RNF13: variants seen among roughly 807,000 people sequenced by gnomAD.
RNF13 encodes the protein ring finger protein 13.
Under a neutral mutation model 37.7 loss-of-function variants are expected in RNF13, and 19 were observed. The observed-to-expected ratio is 0.50, with a 90% CI of 0.35 to 0.74. The LOEUF (loss-of-function observed/expected upper bound fraction) is 0.74. RNF13 is among the 30% of genes least tolerant of loss of function. RNF13 has a pLI of 0.01. For synonymous variants in RNF13, 144 were observed against 157.8 expected (o/e 0.91, Z 0.65); for missense variants, 375 against 453.0 (o/e 0.83, Z 1.56).
intron 8 of RNF13, among the ~76,000 whole-genome samples, chr3:149,947,952 TTTTG>T (rs1019716797): frequency 7.2e-5 from 11 of 152,082 alleles, no homozygotes; most frequent in Non-Finnish European, 1.2e-4. Context: ...TATGTGTGCT[TTTTG>T]TTTGTTTGTT....
intron 8 of RNF13, among the ~76,000 whole-genome samples, chr3:149,938,009 A>C (rs1395301631): frequency 6.6e-6 from 1 of 151,982 alleles, no homozygotes; most frequent in East Asian, 1.9e-4. Flanking sequence ...GGATCTGTAC[A>C]TTTCAGATAG....
chr3:149,870,396 T>TA (rs1343717210), intron 3 of RNF13, among the ~76,000 whole-genome samples: 2 of 151,722 alleles, frequency 1.3e-5, no homozygotes, highest in African/African-American at 4.8e-5. Flanking sequence ...TCTCCTTATA[T>TA]TTGAGTTCTA....
At chr3:149,898,822 G>A (rs1381852055) in intron 5 of RNF13, among the ~76,000 whole-genome samples, 1 of 152,116 alleles carries the variant, frequency 6.6e-6, no homozygotes, top group African/African-American at 2.4e-5. Context: ...TCAGCATAAG[G>A]GGATATAGAA....
intron 6 of RNF13, among the ~76,000 whole-genome samples, chr3:149,910,970 A>G (rs1198935177): frequency 6.6e-6 from 1 of 152,230 alleles, no homozygotes; most frequent in Non-Finnish European, 1.5e-5. Flanking sequence ...AACATGGTTA[A>G]TGATAAATGA....
Position 149,947,880 on chromosome 3 carries a change from C to T in RNF13, c.701-12176C>T, listed in dbSNP as rs1387284996. 2.0e-5 allele frequency among the ~76,000 whole-genome samples: 3 copies of T among 151,906 alleles called. 1 individual carries two copies. Among genetic ancestry groups the T allele is most frequent in the Admixed American group, 2.0e-4 (3 of 15,246 alleles). ...CTATTCTGTTTGATATATGTATGGC[C>T]ACTCCTGCTCTCCAGTTTCTCATTT... On this transcript the variant is annotated intron_variant, in intron 8 of 9. Transcript: ENST00000392894.
At chr3:149,844,859 C>T (rs990468913) in intron 1 of RNF13, among the ~76,000 whole-genome samples, 4 of 152,002 alleles carry the variant, frequency 2.6e-5, no homozygotes, top group African/African-American at 9.7e-5. Flanking sequence ...GTTGTGCAAC[C>T]ATCACCAGAG....
chr3:149,866,347 C>T (rs938689239), intron 3 of RNF13, among the ~76,000 whole-genome samples: 1 of 152,204 alleles, frequency 6.6e-6, no homozygotes, highest in Non-Finnish European at 1.5e-5. Context: ...TTATGCCTCC[C>T]CTTTTTAGAC....
chr3:149,961,241 C>G lies in RNF13; in HGVS notation c.*137C>G, dbSNP rs1355439192. 2.6e-6 allele frequency: 2 copies of G among 774,038 alleles called. No individual in the cohort carries two copies. Among genetic ancestry groups the G allele is most frequent in the Non-Finnish European group, 4.1e-6 (2 of 482,112 alleles). The allele number at this position is 774,038 out of a possible 1,614,324, so 47.9% of individuals were successfully genotyped here. On this transcript the variant is annotated 3_prime_UTR_variant, in exon 10 of 10. Coordinates refer to ENST00000392894, the MANE Select transcript of RNF13 (RefSeq NM_183381.3). Reference sequence around the variant, plus strand: ...CTACAGTTTAATCAAATTACTGAAACAGGACTTTTGATCTGGTATTTATCT... The same window carrying G: ...CTACAGTTTAATCAAATTACTGAAAGAGGACTTTTGATCTGGTATTTATCT...
chr3:149,826,905 T>G (rs1720560567), intron 1 of RNF13, among the ~76,000 whole-genome samples: 1 of 152,132 alleles, frequency 6.6e-6, no homozygotes, highest in Non-Finnish European at 1.5e-5. Flanking sequence ...TACTTGTGCA[T>G]GCCACTATGC....
At chr3:149,949,160 G>A (rs1721062716) in intron 8 of RNF13, among the ~76,000 whole-genome samples, 1 of 151,976 alleles carries the variant, frequency 6.6e-6, no homozygotes, top group South Asian at 2.1e-4. Flanking sequence ...ATGGTTTTAT[G>A]TTCCTGTTTA....
At chr3:149,893,487 G>T (rs747683818) in intron 4 of RNF13, among the ~76,000 whole-genome samples, 4 of 152,152 alleles carry the variant, frequency 2.6e-5, no homozygotes, top group Non-Finnish European at 4.4e-5. Flanking sequence ...AGCTTTTAGG[G>T]AAAAGTTAAA....
rs141061533 is a variant in RNF13 at position 149,844,350 on chromosome 3, G to A, written c.-16-1661G>A. On this transcript the variant is annotated intron_variant, in intron 1 of 9. Transcript: ENST00000392894. Reference sequence around the variant, plus strand: ...AAGCGTCTAAGGGTCCTTTCCCAGTGGAGTTACATGGGATGCGTCTAATTC... The same window carrying A: ...AAGCGTCTAAGGGTCCTTTCCCAGTAGAGTTACATGGGATGCGTCTAATTC... Among the ~76,000 whole-genome samples, 429 of 152,292 alleles carry A rather than the reference G, an allele frequency of 2.8e-3. 2 individuals carry two copies. Among genetic ancestry groups the A allele is most frequent in the African/African-American group, 9.9e-3 (410 of 41,568 alleles).
intron 7 of RNF13, among the ~76,000 whole-genome samples, chr3:149,920,789 TC>T (rs1371342209): frequency 2.7e-5 from 3 of 111,158 alleles, no homozygotes; most frequent in African/African-American, 9.5e-5. Context: ...ACCTTCCCAT[TC>T]TTTTTTTTTT....
chr3:149,869,562 C>G (rs556936802), intron 3 of RNF13, among the ~76,000 whole-genome samples: 25 of 151,430 alleles, frequency 1.7e-4, no homozygotes, highest in Non-Finnish European at 1.0e-4. Flanking sequence ...GCCGAGATCC[C>G]GCCACTGCAC....
At chr3:149,888,569 A>G (rs949488101) in intron 4 of RNF13, among the ~76,000 whole-genome samples, 5 of 152,338 alleles carry the variant, frequency 3.3e-5, no homozygotes, top group Admixed American at 2.6e-4. Flanking sequence ...GCAAAACAGC[A>G]CTATAATTCA....
At chr3:149,906,323 A>G (rs1716393709) in intron 6 of RNF13, among the ~76,000 whole-genome samples, 2 of 151,464 alleles carry the variant, frequency 1.3e-5, no homozygotes, top group Non-Finnish European at 1.5e-5. Context: ...TTACATGTGC[A>G]TATGTTTTTA....
At chr3:149,816,419 C>T (rs1454750276) in intron 1 of RNF13, among the ~76,000 whole-genome samples, 1 of 152,062 alleles carries the variant, frequency 6.6e-6, no homozygotes, top group Admixed American at 6.6e-5. Flanking sequence ...AGCTCCTCCT[C>T]AATTTCCTTA....
Position 149,950,465 on chromosome 3 carries a change from ATCTG to A in RNF13, c.701-9590_701-9587del, listed in dbSNP as rs1576591915. Among the ~76,000 whole-genome samples, 6 of 152,256 alleles carry A rather than the reference ATCTG, an allele frequency of 3.9e-5. 1 individual carries two copies. In the East Asian group the frequency reaches 1.2e-3, roughly 29 times the overall value. ...AAGCATTCTATAGTTTTATAATTAT[ATCTG>A]AACCTTTTTTTAAAATTAGGACAGA... On this transcript the variant is annotated intron_variant, in intron 8 of 9. Coordinates refer to ENST00000392894, the MANE Select transcript of RNF13 (RefSeq NM_183381.3).
chr3:149,902,563 A>G (rs150702653), intron 6 of RNF13, among the ~76,000 whole-genome samples: 165 of 152,234 alleles, frequency 1.1e-3, no homozygotes, highest in African/African-American at 3.9e-3. Context: ...TAAGGGACTA[A>G]CATTTACAAA....
Sources: allele counts gnomAD v4.1 joint callset (sites outside exome capture counted in the v4.1 genomes callset), GRCh38; gene constraint gnomAD v4.1.1; transcripts MANE v1.5; gene names NCBI Gene and HGNC (gene_info 2026-07-23, HGNC 2026-07-21).